NXPH1: variants seen among roughly 807,000 people sequenced by gnomAD.
NXPH1 encodes the protein neurexophilin 1, also known as neurexophilin-1.
Under a neutral mutation model 23.7 loss-of-function variants are expected in NXPH1, and 5 were observed. The observed-to-expected ratio is 0.21, with a 90% CI of 0.11 to 0.44. The LOEUF is 0.44. Ranked by LOEUF, NXPH1 falls within the 20% of genes least tolerant of loss-of-function variation. The probability of loss-of-function intolerance (pLI) is 0.99; values close to 1 mark genes in which losing one functional copy is unlikely to be tolerated. For missense variants in NXPH1, 324 were observed against 321.6 expected, an observed-to-expected ratio of 1.01 and a Z score of -0.06; for synonymous variants, 144 against 122.2, an observed-to-expected ratio of 1.18 and a Z score of -1.18.
At chr7:8,665,691 T>A (rs918297038) in intron 2 of NXPH1, among the ~76,000 whole-genome samples, 12 of 152,120 alleles carry the variant, frequency 7.9e-5, no homozygotes, top group African/African-American at 2.9e-4. Flanking sequence ...ATTTATTTCA[T>A]CAATACTTTA....
At chr7:8,516,118 G>A (rs1205399679) in intron 2 of NXPH1, among the ~76,000 whole-genome samples, 2 of 152,092 alleles carry the variant, frequency 1.3e-5, no homozygotes, top group Non-Finnish European at 2.9e-5. Flanking sequence ...TCTTTAAGGA[G>A]CTATTCAAAT....
chr7:8,611,785 C>T (rs536475182), intron 2 of NXPH1, among the ~76,000 whole-genome samples: 1 of 152,222 alleles, frequency 6.6e-6, no homozygotes, highest in Non-Finnish European at 1.5e-5. Context: ...GTAGTAGGTG[C>T]ATCTATCCAG....
At chr7:8,558,679 A>T (rs1400052276) in intron 2 of NXPH1, among the ~76,000 whole-genome samples, 2 of 151,578 alleles carry the variant, frequency 1.3e-5, no homozygotes, top group African/African-American at 2.4e-5. Context: ...TTCCTTTTAT[A>T]TGATTGTTAC....
chr7:8,692,133 C>CCAAA (rs1821231090), intron 2 of NXPH1, among the ~76,000 whole-genome samples: 1 of 151,468 alleles, frequency 6.6e-6, no homozygotes, highest in African/African-American at 2.4e-5. Context: ...GCAGGGAGGG[C>CCAAA]TTACTAGATT....
intron 2 of NXPH1, among the ~76,000 whole-genome samples, chr7:8,525,723 C>T (rs942389002): frequency 2.0e-5 from 3 of 152,192 alleles, no homozygotes; most frequent in Non-Finnish European, 4.4e-5. Flanking sequence ...GTGGAAGCCC[C>T]AAGCCTTGGC....
chr7:8,714,328 C>T (rs2115200382), intron 2 of NXPH1, among the ~76,000 whole-genome samples: 1 of 151,804 alleles, frequency 6.6e-6, no homozygotes, highest in East Asian at 2.0e-4. Flanking sequence ...CTGACTCACC[C>T]TTCAGGGAAG....
At chr7:8,652,495 C>T (rs930881037) in intron 2 of NXPH1, among the ~76,000 whole-genome samples, 3 of 152,100 alleles carry the variant, frequency 2.0e-5, no homozygotes, top group African/African-American at 7.2e-5. Flanking sequence ...AATTCTATTA[C>T]ATGATATAAC....
At position 8,453,339 on chromosome 7, in the gene NXPH1, C is replaced by CA. The variant is rs572026945; in HGVS notation, c.54+17578dup. 3.0e-3 allele frequency among the ~76,000 whole-genome samples: 453 copies of CA among 152,124 alleles called. 4 individuals carry two copies. The highest frequency in any genetic ancestry group is 5.5e-3 in the Non-Finnish European group (371 of 67,954). On this transcript the variant is annotated intron_variant, in intron 2 of 2. Transcript: ENST00000405863. ...AATATTTTAATTGGCAGGAAAGAGA[C>CA]AAAAAACCCACCCAAACATCAAACA...
At chr7:8,612,462 T>G (rs1819642649) in intron 2 of NXPH1, among the ~76,000 whole-genome samples, 1 of 152,052 alleles carries the variant, frequency 6.6e-6, no homozygotes, top group South Asian at 2.1e-4. Context: ...AACTTGAAAT[T>G]TTATAAGCAT....
chr7:8,703,737 A>G (rs1444947597), intron 2 of NXPH1, among the ~76,000 whole-genome samples: 1 of 152,136 alleles, frequency 6.6e-6, no homozygotes, highest in African/African-American at 2.4e-5. Flanking sequence ...CTTGTTTCAA[A>G]TCACTGTTAG....
At chr7:8,492,140 C>G (rs1196484895) in intron 2 of NXPH1, among the ~76,000 whole-genome samples, 5 of 152,046 alleles carry the variant, frequency 3.3e-5, no homozygotes, top group African/African-American at 9.7e-5. Context: ...AATGACCAAT[C>G]TTTTGAACTT....
At chr7:8,623,372 GAATA>G (rs1453047785) in intron 2 of NXPH1, among the ~76,000 whole-genome samples, 1 of 152,242 alleles carries the variant, frequency 6.6e-6, no homozygotes, top group Non-Finnish European at 1.5e-5. Flanking sequence ...AAAGGGGGAA[GAATA>G]AATAGATAAA....
intron 2 of NXPH1, among the ~76,000 whole-genome samples, chr7:8,663,581 A>T (rs1488835966): frequency 6.6e-6 from 1 of 152,114 alleles, no homozygotes; most frequent in Admixed American, 6.6e-5. Context: ...AAACCTACTA[A>T]AATTGTTAAA....
intron 2 of NXPH1, among the ~76,000 whole-genome samples, chr7:8,626,375 T>C (rs559103114): frequency 1.5e-4 from 22 of 151,640 alleles, no homozygotes; most frequent in Non-Finnish European, 2.8e-4. Flanking sequence ...CTCATTGTCA[T>C]GCAGTTTACT....
rs1389712503 is a variant in NXPH1 at position 8,711,506 on chromosome 7, T to C, written c.55-39502T>C. Among the ~76,000 whole-genome samples the C allele has an allele frequency of 3.3e-5, 5 of 152,310 alleles. 1 individual carries two copies. Among genetic ancestry groups the C allele is most frequent in the South Asian group, 4.1e-4 (2 of 4,830 alleles). On this transcript the variant is annotated intron_variant, in intron 2 of 2. Transcript: ENST00000405863. ...ATAGGCCATAGCCGGAAAACACAGT[T>C]AAGTCATGTTACAAGCAGTCAGGTT...
Position 8,497,131 on chromosome 7 carries a change from G to A in NXPH1, c.54+61364G>A, listed in dbSNP as rs372596412. Among the ~76,000 whole-genome samples the A allele has an allele frequency of 5.9e-5, 9 of 152,146 alleles. 1 individual carries two copies. Among genetic ancestry groups the A allele is most frequent in the East Asian group, 5.8e-4 (3 of 5,154 alleles). ...GCAGTGTTTGGTTTTCTGTCCTTGCGATAGTTTTCTCAGAATGATGGTTTC... is the reference window on the plus strand; with the variant it reads ...GCAGTGTTTGGTTTTCTGTCCTTGCAATAGTTTTCTCAGAATGATGGTTTC... On this transcript the variant is annotated intron_variant, in intron 2 of 2. Coordinates refer to ENST00000405863, the MANE Select transcript of NXPH1 (RefSeq NM_152745.3).
intron 2 of NXPH1, among the ~76,000 whole-genome samples, chr7:8,576,458 C>T (rs747643853): frequency 2.0e-5 from 3 of 152,114 alleles, no homozygotes; most frequent in Non-Finnish European, 4.4e-5. Context: ...TACTGAAGCG[C>T]AAGGAAACCT....
intron 2 of NXPH1, among the ~76,000 whole-genome samples, chr7:8,583,575 G>C (rs1006256247): frequency 6.6e-6 from 1 of 152,130 alleles, no homozygotes; most frequent in Non-Finnish European, 1.5e-5. Flanking sequence ...GAGTTGCAGG[G>C]GGTTTAAGAA....
chr7:8,586,439 T>C (rs371657390), intron 2 of NXPH1, among the ~76,000 whole-genome samples: 1 of 152,112 alleles, frequency 6.6e-6, no homozygotes, highest in Admixed American at 6.6e-5. Flanking sequence ...GGTATGCAAG[T>C]AGAGACCACA....
Sources: allele counts gnomAD v4.1 joint callset (sites outside exome capture counted in the v4.1 genomes callset), GRCh38; gene constraint gnomAD v4.1.1; transcripts MANE v1.5; gene names NCBI Gene and HGNC (gene_info 2026-07-23, HGNC 2026-07-21).